Variants in GABRA4 observed in about 807,000 individuals in gnomAD.
The protein encoded by GABRA4 is gamma-aminobutyric acid type A receptor subunit alpha4, also known as gamma-aminobutyric acid receptor subunit alpha-4.
GABRA4 carries 12 observed loss-of-function variants against 49.7 expected under a neutral mutation model. The ratio of observed to expected loss-of-function variants is 0.24; its 90% CI spans 0.15 to 0.39. The LOEUF (loss-of-function observed/expected upper bound fraction) is 0.39. GABRA4 is among the 10% of genes least tolerant of loss of function. The pLI, the probability that GABRA4 is intolerant of heterozygous loss-of-function variation, is 1.00. For missense variants in GABRA4, 506 were observed against 686.0 expected (o/e 0.74, Z 2.93); for synonymous variants, 288 against 240.2 (o/e 1.20, Z -1.84).
intron 8 of GABRA4, among the ~76,000 whole-genome samples, chr4:46,932,173 C>T (rs1426921068): frequency 6.6e-6 from 1 of 152,062 alleles, no homozygotes; most frequent in East Asian, 1.9e-4. Flanking sequence ...GCACTGTTGC[C>T]TAATCCACAC....
At chr4:46,929,874 C>T (rs761887377) in intron 8 of GABRA4, among the ~76,000 whole-genome samples, 15 of 151,898 alleles carry the variant, frequency 9.9e-5, no homozygotes, top group Non-Finnish European at 1.6e-4. Flanking sequence ...AGAAGAGCAG[C>T]TAATAAAAGG....
chr4:46,992,638 A>G, intron 2 of GABRA4, 190 bp downstream of exon 2: 3 of 594,264 alleles, frequency 5.0e-6, no homozygotes, highest in Non-Finnish European at 9.1e-6. Flanking sequence ...CTGAGGGGGC[A>G]GGGAGATGGG....
At chr4:46,973,899 C>G (rs1033847110) in intron 6 of GABRA4, among the ~76,000 whole-genome samples, 1 of 151,554 alleles carries the variant, frequency 6.6e-6, no homozygotes, top group Non-Finnish European at 1.5e-5. Context: ...CATCAAAAAC[C>G]GAAAGCAGAA....
chr4:46,942,827 T>C (rs774130704), intron 8 of GABRA4, among the ~76,000 whole-genome samples: 5 of 152,072 alleles, frequency 3.3e-5, no homozygotes, highest in Non-Finnish European at 5.9e-5. Context: ...CTGTCAGTTA[T>C]CACAGTTTTC....
At chr4:46,968,880 A>G (rs1722856421) in intron 7 of GABRA4, among the ~76,000 whole-genome samples, 1 of 151,686 alleles carries the variant, frequency 6.6e-6, no homozygotes, top group African/African-American at 2.4e-5. Context: ...TAATAATAAT[A>G]TATGGCAGAC....
chr4:46,990,183 A>G (rs979327778), intron 2 of GABRA4, among the ~76,000 whole-genome samples: 2 of 152,254 alleles, frequency 1.3e-5, no homozygotes, highest in African/African-American at 4.8e-5. Context: ...TGGTTAATCA[A>G]TTGGTAATGC....
At chr4:46,967,816 A>G (rs1397968821) in intron 7 of GABRA4, among the ~76,000 whole-genome samples, 1 of 151,620 alleles carries the variant, frequency 6.6e-6, no homozygotes, top group Non-Finnish European at 1.5e-5. Context: ...CTGAGTGAGG[A>G]TGTGTAAGAG....
chr4:46,939,623 T>G (rs575498143), intron 8 of GABRA4, among the ~76,000 whole-genome samples: 1 of 152,010 alleles, frequency 6.6e-6, no homozygotes, highest in African/African-American at 2.4e-5. Flanking sequence ...TAAAAATACA[T>G]GCTTATGAGA....
chr4:46,962,661 G>T (rs1259739120), intron 8 of GABRA4, among the ~76,000 whole-genome samples: 2 of 151,798 alleles, frequency 1.3e-5, no homozygotes, highest in Non-Finnish European at 2.9e-5. Flanking sequence ...GATATCCTAA[G>T]CACAAAGAAT....
At chr4:46,942,627 A>G (rs2007447) in intron 8 of GABRA4, among the ~76,000 whole-genome samples, 49,257 of 129,136 alleles carry the variant, frequency 0.38, 8,392 homozygotes, top group East Asian at 0.62. Context: ...TCTGTCTCAG[A>G]AAAAAAAAAA....
At chr4:46,948,474 G>A (rs1560468220) in intron 8 of GABRA4, among the ~76,000 whole-genome samples, 1 of 152,086 alleles carries the variant, frequency 6.6e-6, no homozygotes, top group Admixed American at 6.6e-5. Context: ...TTGCATTGCT[G>A]AGAGTAGATG....
rs562040026 is a variant in GABRA4, at chr4:46,979,435, T to C, written c.206-337A>G. On this transcript the variant is annotated intron_variant, in intron 2 of 8. Transcript: ENST00000264318. ...GATATTTTATAGTCCATCATCTGAT[T>C]GGCCTCTAATAAAGAAGTGAGCTGT... is the stretch of plus-strand genomic sequence containing the variant. Among the ~76,000 whole-genome samples, 36 of 152,208 alleles carry C rather than the reference T, an allele frequency of 2.4e-4. 1 individual carries two copies. The South Asian group carries it at 5.2e-3, about 22-fold the overall frequency.
rs985458540 is a variant in GABRA4 at position 46,971,791 on chromosome 4, G to T, written c.722-556C>A. 2.0e-5 allele frequency among the ~76,000 whole-genome samples: 3 copies of T among 150,818 alleles called. No individual in the cohort carries two copies. The Admixed American group carries it at 2.0e-4, about 10-fold the overall frequency. On this transcript the variant is annotated intron_variant, in intron 6 of 8. Transcript: ENST00000264318. ...TTAGAGAGAGGCTACCATAGTTTTA[G>T]GAAAGAGGTGAATTTCTAAATGTTC...
At chr4:46,944,015 A>G (rs368921662) in intron 8 of GABRA4, among the ~76,000 whole-genome samples, 1 of 152,008 alleles carries the variant, frequency 6.6e-6, no homozygotes, top group Admixed American at 6.6e-5. Flanking sequence ...AAAGGGTACA[A>G]TATTTCAGTT....
intron 7 of GABRA4, among the ~76,000 whole-genome samples, chr4:46,970,449 A>G (rs1722910522): frequency 6.6e-6 from 1 of 151,576 alleles, no homozygotes; most frequent in South Asian, 2.1e-4. Flanking sequence ...GACATGTAGA[A>G]CACATTAACT....
At chr4:46,969,495 A>G (rs1046643741) in intron 7 of GABRA4, among the ~76,000 whole-genome samples, 1 of 151,588 alleles carries the variant, frequency 6.6e-6, no homozygotes, top group East Asian at 1.9e-4. Context: ...GATAATGAAC[A>G]TCAAGAAGTT....
intron 2 of GABRA4, among the ~76,000 whole-genome samples, chr4:46,987,063 T>C (rs77590740): frequency 6.6e-6 from 1 of 152,246 alleles, no homozygotes; most frequent in African/African-American, 2.4e-5. Context: ...TAAAATTAGT[T>C]CAGGACTTGT....
intron 5 of GABRA4, among the ~76,000 whole-genome samples, chr4:46,976,606 C>G (rs920685136): frequency 1.3e-5 from 2 of 151,700 alleles, no homozygotes; most frequent in African/African-American, 2.4e-5. Flanking sequence ...AGCTCTGAAC[C>G]TTTTATGGAC....
At chr4:46,980,778 C>G (rs1291698111) in intron 2 of GABRA4, among the ~76,000 whole-genome samples, 2 of 152,038 alleles carry the variant, frequency 1.3e-5, no homozygotes, top group African/African-American at 4.8e-5. Flanking sequence ...GTAATGTGTG[C>G]TGAACCCTAG....
Sources: allele counts gnomAD v4.1 joint callset (sites outside exome capture counted in the v4.1 genomes callset), GRCh38; gene constraint gnomAD v4.1.1; transcripts MANE v1.5; gene names NCBI Gene and HGNC (gene_info 2026-07-23, HGNC 2026-07-21).